The following TMPO variants were observed in gnomAD, a reference collection of about 807,000 sequenced individuals.
TMPO encodes LEM domain containing 4.
In TMPO, 22 loss-of-function variants were observed where a neutral mutation model predicts 45.4. That is an observed-to-expected ratio of 0.48 (90% CI 0.35 to 0.69). The LOEUF (loss-of-function observed/expected upper bound fraction) is 0.69. TMPO is among the 30% of genes least tolerant of loss of function. TMPO has a pLI of 0.01. For missense variants in TMPO, 512 were observed against 548.8 expected (o/e 0.93, Z 0.67); for synonymous variants, 241 against 204.1 (o/e 1.18, Z -1.54).
intron 3 of TMPO, chr12:98,535,383 A>C: frequency 1.0e-6 from 1 of 985,408 alleles, no homozygotes. Context: ...TAAGAGTCTT[A>C]ACTGCAGAGG....
intron 7 of TMPO, 46 bp downstream of exon 7, chr12:98,545,107 G>T: frequency 4.3e-6 from 5 of 1,172,746 alleles, no homozygotes; most frequent in African/African-American, 1.5e-5. Flanking sequence ...ATCTTTCAAA[G>T]AGGAAATATA....
At chr12:98,533,707 A>G in intron 3 of TMPO, 1 of 1,614,194 alleles carries the variant, frequency 6.2e-7, no homozygotes, top group Non-Finnish European at 8.5e-7. Flanking sequence ...ACAGCATGAT[A>G]AAATAGATGC....
chr12:98,541,064 G>A (rs1877888096), intron 4 of TMPO, among the ~76,000 whole-genome samples: 2 of 151,946 alleles, frequency 1.3e-5, no homozygotes, highest in African/African-American at 4.8e-5. Context: ...TTCACATTGT[G>A]CCATCTGTAG....
intron 1 of TMPO, among the ~76,000 whole-genome samples, chr12:98,524,429 G>T (rs1876605078): frequency 2.0e-5 from 3 of 152,048 alleles, no homozygotes; most frequent in African/African-American, 7.2e-5. Context: ...AAAATTAGCT[G>T]GGCGTGGTGG....
chr12:98,517,759 GCTT>G (rs1474091799), intron 1 of TMPO, among the ~76,000 whole-genome samples: 1 of 152,222 alleles, frequency 6.6e-6, no homozygotes, highest in Non-Finnish European at 1.5e-5. Context: ...TTTGCGGAAA[GCTT>G]CTTTAATTTC....
chr12:98,540,084 T>TA (rs748529912), intron 4 of TMPO, among the ~76,000 whole-genome samples: 1 of 152,248 alleles, frequency 6.6e-6, no homozygotes, highest in African/African-American at 2.4e-5. Context: ...CTGTAGCTGT[T>TA]ACCACTGTAA....
At chr12:98,520,667 C>G (rs1287364440) in intron 1 of TMPO, among the ~76,000 whole-genome samples, 4 of 149,404 alleles carry the variant, frequency 2.7e-5, no homozygotes, top group Non-Finnish European at 1.5e-5. Context: ...TCTGTCATCC[C>G]AGCTGGAGTG....
intron 4 of TMPO, among the ~76,000 whole-genome samples, chr12:98,541,279 T>G (rs967041531): frequency 6.6e-6 from 1 of 152,216 alleles, no homozygotes; most frequent in Non-Finnish European, 1.5e-5. Context: ...GATGCTGACA[T>G]GTTCATTCCT....
chr12:98,520,395 C>T (rs1260425365), intron 1 of TMPO, among the ~76,000 whole-genome samples: 3 of 151,792 alleles, frequency 2.0e-5, no homozygotes, highest in Admixed American at 6.6e-5. Context: ...CTCTGCCTCC[C>T]AAATTCAAGC....
rs61934004 is a variant in TMPO, at chr12:98,531,477, T to C, written c.407-203T>C. ...CTCGAACTCCTGACCTCAAGTAATG[T>C]ACCCGCCTCAGCCTCCCAAAGTGGT... On this transcript the variant is annotated intron_variant, in intron 2 of 8. Transcript: ENST00000556029. 0.57 allele frequency among the ~76,000 whole-genome samples: 85,604 copies of C among 151,272 alleles called. 24,550 individuals carry two copies. Among genetic ancestry groups the C allele is most frequent in the African/African-American group, 0.64 (26,380 of 41,228 alleles).
chr12:98,515,695 C>A lies in TMPO; in HGVS notation c.-173C>A. 1 of 1,404,404 alleles carries A rather than the reference C, an allele frequency of 7.1e-7. No individual in the cohort carries two copies. Among genetic ancestry groups the A allele is most frequent in the Non-Finnish European group, 9.6e-7 (1 of 1,046,950 alleles). The allele number at this position is 1,404,404 out of a possible 1,614,324, so 87.0% of individuals were successfully genotyped here. ...AGTTCGGCTCTGGGGTCTTTTGTGTCCGGGTCTGGCTTGGCTTTGTGTCCG... is the reference window on the plus strand; with the variant it reads ...AGTTCGGCTCTGGGGTCTTTTGTGTACGGGTCTGGCTTGGCTTTGTGTCCG... On this transcript the variant is annotated 5_prime_UTR_variant, in exon 1 of 9. Transcript: ENST00000556029.
chr12:98,525,531 A>G (rs1876696619), intron 1 of TMPO, among the ~76,000 whole-genome samples: 1 of 152,168 alleles, frequency 6.6e-6, no homozygotes, highest in Non-Finnish European at 1.5e-5. Context: ...ATTTGGGGTC[A>G]GGAGTTCAAG....
chr12:98,539,004 G>A (rs1383408158), intron 4 of TMPO, among the ~76,000 whole-genome samples: 4 of 151,706 alleles, frequency 2.6e-5, no homozygotes, highest in South Asian at 2.1e-4. Flanking sequence ...AGTTCGAGAC[G>A]AGCCTGACCA....
intron 6 of TMPO, 72 bp downstream of exon 6, chr12:98,544,609 G>T (rs1463980558): frequency 8.0e-7 from 1 of 1,254,090 alleles, no homozygotes; most frequent in Non-Finnish European, 1.1e-6. Flanking sequence ...TGGGGAGGTG[G>T]TGAATTTTGG....
At chr12:98,523,148 C>G (rs1876498281) in intron 1 of TMPO, among the ~76,000 whole-genome samples, 1 of 152,200 alleles carries the variant, frequency 6.6e-6, no homozygotes, top group Non-Finnish European at 1.5e-5. Flanking sequence ...TTTTTCCTGA[C>G]TGAAACTGCT....
chr12:98,522,070 G>T (rs1876414659), intron 1 of TMPO, among the ~76,000 whole-genome samples: 1 of 152,080 alleles, frequency 6.6e-6, no homozygotes, highest in African/African-American at 2.4e-5. Flanking sequence ...GTCTCGCTCT[G>T]TCCCTCAGAC....
Position 98,544,239 on chromosome 12 carries a change from C to T in TMPO, c.673C>T (p.Gln225Ter), listed in dbSNP as rs1439919068. 6.2e-6 allele frequency: 10 copies of T among 1,613,788 alleles called. No individual in the cohort carries two copies. The highest frequency in any genetic ancestry group is 8.5e-6 in the Non-Finnish European group (10 of 1,179,816). Reference protein sequence around the residue: ...RRVEHNQSYSQAGITETEWTS... With the variant: ...RRVEHNQSYS ...GTTGATGCTTGAATAGAGCTATTCT[C>T]AAGCTGGAATAACTGAGACTGAATG... is the stretch of plus-strand genomic sequence containing the variant. The change falls in exon 5 of 9, where the codon CAA becomes TAA. Residue 225 changes from glutamine (Q) to a stop codon, truncating the protein, a stop_gained. Coordinates refer to ENST00000556029, the MANE Select transcript of TMPO (RefSeq NM_001032283.3). LOFTEE classifies it high-confidence loss of function.
In TMPO at chr12:98,547,730, G is replaced by C; in HGVS notation, c.1237G>C (p.Val413Leu). The C allele has an allele frequency of 6.2e-7, 1 of 1,614,164 alleles. No homozygotes were observed. Among genetic ancestry groups the C allele is most frequent in the Non-Finnish European group, 8.5e-7 (1 of 1,180,022 alleles). ...EKTKKGRSIPVWIKILLFVVV... is the reference protein window; with the variant it reads ...EKTKKGRSIPLWIKILLFVVV... ...GACAAAAAAGGGACGCTCCATTCCC[G>C]TATGGATAAAAATTTTGCTGTTTGT... The change falls in exon 9 of 9, where the codon GTA becomes CTA. Residue 413 changes from valine (V) to leucine (L), a missense_variant. Transcript: ENST00000556029.
intron 4 of TMPO, among the ~76,000 whole-genome samples, chr12:98,540,562 G>A (rs1397121167): frequency 6.6e-6 from 1 of 152,236 alleles, no homozygotes; most frequent in East Asian, 1.9e-4. Flanking sequence ...ATTTTTAGTA[G>A]AGACGGGGTT....
Sources: allele counts gnomAD v4.1 joint callset (sites outside exome capture counted in the v4.1 genomes callset), GRCh38; gene constraint gnomAD v4.1.1; transcripts MANE v1.5; gene names NCBI Gene and HGNC (gene_info 2026-07-23, HGNC 2026-07-21).